SERPINI2: variants seen among roughly 807,000 people sequenced by gnomAD.
SERPINI2 encodes serpin family I member 2.
SERPINI2 carries 48 observed loss-of-function variants against 47.3 expected under a neutral mutation model. The observed-to-expected ratio is 1.02, with a 90% CI of 0.81 to 1.29. SERPINI2 has a LOEUF of 1.29. Among genes scored for constraint, SERPINI2 ranks in the 50% most tolerant of loss-of-function variants. The pLI is 0.00. For synonymous variants in SERPINI2, 135 were observed against 149.3 expected, an observed-to-expected ratio of 0.90 and a Z score of 0.70; for missense variants, 448 against 456.9, an observed-to-expected ratio of 0.98 and a Z score of 0.18.
intron 7 of SERPINI2, among the ~76,000 whole-genome samples, chr3:167,448,924 A>T (rs767701645): frequency 6.6e-6 from 1 of 152,172 alleles, no homozygotes; most frequent in Non-Finnish European, 1.5e-5. Context: ...AAATTAGCAA[A>T]GTGGTGACTA....
chr3:167,461,927 C>G (rs905678183), intron 5 of SERPINI2, among the ~76,000 whole-genome samples: 1 of 151,932 alleles, frequency 6.6e-6, no homozygotes. Flanking sequence ...ACTATAGATT[C>G]TTGTCACAAC....
At chr3:167,454,587 T>C (rs1259611737) in intron 5 of SERPINI2, among the ~76,000 whole-genome samples, 1 of 152,174 alleles carries the variant, frequency 6.6e-6, no homozygotes, top group Admixed American at 6.5e-5. Context: ...AAATGGGCTA[T>C]AATAGTCCAA....
intron 7 of SERPINI2, among the ~76,000 whole-genome samples, chr3:167,447,440 T>A (rs981650513): frequency 6.6e-6 from 1 of 152,160 alleles, no homozygotes; most frequent in Non-Finnish European, 1.5e-5. Flanking sequence ...AGTCCGTGAG[T>A]GGATTTCTGA....
At chr3:167,468,525 G>A (rs2108171681) in intron 2 of SERPINI2, among the ~76,000 whole-genome samples, 1 of 152,114 alleles carries the variant, frequency 6.6e-6, no homozygotes, top group African/African-American at 2.4e-5. Context: ...CCTCACAGGA[G>A]GCTCTATGAA....
chr3:167,445,985 C>G (rs1489760804), intron 8 of SERPINI2, among the ~76,000 whole-genome samples: 2 of 152,188 alleles, frequency 1.3e-5, no homozygotes, highest in Non-Finnish European at 2.9e-5. Flanking sequence ...TTTCACAACT[C>G]CACACCTCTC....
intron 1 of SERPINI2, among the ~76,000 whole-genome samples, chr3:167,473,166 G>C (rs542753492): frequency 4.4e-4 from 66 of 151,624 alleles, no homozygotes; most frequent in African/African-American, 1.6e-3. Flanking sequence ...AACTGTATTT[G>C]TTTAGATATA....
At chr3:167,470,899 A>G (rs1188183754) in intron 2 of SERPINI2, among the ~76,000 whole-genome samples, 2 of 152,048 alleles carry the variant, frequency 1.3e-5, no homozygotes, top group African/African-American at 4.8e-5. Flanking sequence ...AGGGATAGAC[A>G]CTATCCCAGA....
upstream of SERPINI2, among the ~76,000 whole-genome samples, chr3:167,476,884 C>G (rs541692265): frequency 2.0e-4 from 30 of 152,026 alleles, no homozygotes; most frequent in East Asian, 5.4e-3. Context: ...TATTTGGTAC[C>G]CGCATTCTAC....
intron 1 of SERPINI2, 191 bp downstream of exon 1, chr3:167,473,812 A>G (rs1040131468): frequency 1.1e-5 from 15 of 1,420,640 alleles, no homozygotes; most frequent in Admixed American, 8.4e-5. Flanking sequence ...GAATAGTCCT[A>G]TAAGAACTGG....
chr3:167,465,657 C>T, exon 4 of SERPINI2: 3 of 1,608,248 alleles, frequency 1.9e-6, no homozygotes, highest in Non-Finnish European at 2.5e-6. Flanking sequence ...CCCCTGAAAA[C>T]ATGTCTTTAA....
At chr3:167,473,325 G>T (rs1750391212) in intron 1 of SERPINI2, among the ~76,000 whole-genome samples, 1 of 151,622 alleles carries the variant, frequency 6.6e-6, no homozygotes, top group South Asian at 2.1e-4. Flanking sequence ...ATAAATGAGA[G>T]TGCAACAATA....
chr3:167,448,973 G>A (rs1014387463), intron 7 of SERPINI2, among the ~76,000 whole-genome samples: 9 of 152,244 alleles, frequency 5.9e-5, no homozygotes, highest in East Asian at 5.8e-4. Context: ...ATACAATTAC[G>A]TAAGGGTGAG....
At chr3:167,451,916 C>T (rs1200926877) in intron 6 of SERPINI2, among the ~76,000 whole-genome samples, 1 of 152,132 alleles carries the variant, frequency 6.6e-6, no homozygotes, top group African/African-American at 2.4e-5. Context: ...CCATCTCATA[C>T]CTAGTGCGGA....
exon 5 of SERPINI2, chr3:167,465,216 T>A (rs775663736): frequency 6.2e-7 from 1 of 1,608,872 alleles, no homozygotes. Flanking sequence ...CTAGGGAGGC[T>A]TATTTCTACT....
intron 5 of SERPINI2, among the ~76,000 whole-genome samples, chr3:167,454,991 T>A (rs1749743317): frequency 6.6e-6 from 1 of 152,232 alleles, no homozygotes; most frequent in South Asian, 2.1e-4. Context: ...CTCAGGTCTA[T>A]TTGAAGTCAA....
At position 167,465,820 on chromosome 3, in the gene SERPINI2, T is replaced by C. The variant is rs960586850; in HGVS notation, c.479-147A>G. 6.4e-6 allele frequency: 4 copies of C among 624,166 alleles called. No homozygotes were observed. In the South Asian group the frequency reaches 7.1e-5, roughly 11 times the overall value. 38.7% of individuals were successfully genotyped at this position (624,166 alleles called of 1,614,324 possible). A position where few individuals can be genotyped will look rare whatever the true frequency, so the allele number is the denominator to read the frequency against. ...CATCTAAATATGGTAATTTTGAGAATAGACGGGATTGCTGTTAAATATTTC... is the reference window on the plus strand; with the variant it reads ...CATCTAAATATGGTAATTTTGAGAACAGACGGGATTGCTGTTAAATATTTC... On this transcript the variant is annotated intron_variant, in intron 3 of 8. Transcript: ENST00000264677.
At position 167,455,339 on chromosome 3, in the gene SERPINI2, T is replaced by C. The variant is rs551687195; in HGVS notation, c.867-2306A>G. 5.3e-5 allele frequency among the ~76,000 whole-genome samples: 8 copies of C among 152,308 alleles called. No individual in the cohort carries two copies. In the South Asian group the frequency reaches 1.7e-3, roughly 32 times the overall value. On this transcript the variant is annotated intron_variant, in intron 5 of 8. Coordinates refer to ENST00000264677, the Ensembl canonical transcript of SERPINI2. ...AAACAGATCTCACAAAGGGAAAAGC[T>C]GCAGAAAAATGAAAAACAATCCCAA...
chr3:167,474,219 G>A, upstream of SERPINI2: 2 of 659,774 alleles, frequency 3.0e-6, no homozygotes, highest in Non-Finnish European at 3.8e-6. Flanking sequence ...TGCAAGAATT[G>A]AGAAAAAAAC....
chr3:167,455,149 C>T (rs1313774847), intron 5 of SERPINI2, among the ~76,000 whole-genome samples: 1 of 152,154 alleles, frequency 6.6e-6, no homozygotes, highest in African/African-American at 2.4e-5. Flanking sequence ...CCTTAATCCT[C>T]CTCTAAAATT....
Sources: gnomAD v4.1 joint callset for allele counts (sites outside exome capture counted in the v4.1 genomes callset) on GRCh38, gnomAD v4.1.1 for gene constraint, MANE v1.5 for transcripts, NCBI Gene and HGNC (gene_info 2026-07-23, HGNC 2026-07-21) for gene names.